SUMF1: variants seen among roughly 807,000 people sequenced by gnomAD.
The protein encoded by SUMF1 is sulfatase modifying factor 1, also known as formylglycine-generating enzyme.
Under a neutral mutation model 47.6 loss-of-function variants are expected in SUMF1, and 48 were observed. The observed-to-expected ratio is 1.01, with a 90% CI of 0.80 to 1.28. The LOEUF (loss-of-function observed/expected upper bound fraction) is 1.28. SUMF1 is among the 50% of genes most tolerant of loss of function. The pLI is 0.00. For missense variants in SUMF1, 571 were observed against 485.4 expected, an observed-to-expected ratio of 1.18 and a Z score of -1.66; for synonymous variants, 230 against 192.1, an observed-to-expected ratio of 1.20 and a Z score of -1.63.
intron 8 of SUMF1, among the ~76,000 whole-genome samples, chr3:4,237,210 G>T (rs1446055713): frequency 6.6e-6 from 1 of 152,088 alleles, no homozygotes; most frequent in Non-Finnish European, 1.5e-5. Flanking sequence ...CTGCCAAACT[G>T]TTTTGCACAG....
At chr3:4,284,140 G>A (rs927427806) in intron 8 of SUMF1, among the ~76,000 whole-genome samples, 1 of 152,190 alleles carries the variant, frequency 6.6e-6, no homozygotes, top group African/African-American at 2.4e-5. Context: ...GGGAGGCCAG[G>A]AGCAGAGGCT....
intron 7 of SUMF1, among the ~76,000 whole-genome samples, chr3:4,401,325 T>C (rs1413057504): frequency 6.6e-6 from 1 of 152,182 alleles, no homozygotes; most frequent in Non-Finnish European, 1.5e-5. Flanking sequence ...TTTGGGTATA[T>C]ACCCAGTAAT....
At chr3:4,215,749 AACAG>A (rs958222348) in intron 8 of SUMF1, among the ~76,000 whole-genome samples, 7 of 152,152 alleles carry the variant, frequency 4.6e-5, no homozygotes, top group South Asian at 2.1e-4. Context: ...ATACACCAAT[AACAG>A]ACAGAGAGCC....
intron 8 of SUMF1, among the ~76,000 whole-genome samples, chr3:4,135,864 T>C (rs774025552): frequency 2.0e-5 from 3 of 152,090 alleles, no homozygotes; most frequent in South Asian, 2.1e-4. Context: ...ATCAGTGAAC[T>C]CCCGTTCACA....
intron 3 of SUMF1, among the ~76,000 whole-genome samples, chr3:4,442,204 G>A (rs917149976): frequency 1.8e-4 from 28 of 152,242 alleles, no homozygotes; most frequent in African/African-American, 6.3e-4. Context: ...TAGGTTTAAG[G>A]GGCCCATGGT....
chr3:4,079,243 G>A (rs573883706), intron 8 of SUMF1, among the ~76,000 whole-genome samples: 5 of 152,118 alleles, frequency 3.3e-5, no homozygotes, highest in Non-Finnish European at 5.9e-5. Flanking sequence ...CTAACACCTC[G>A]CTTCAATCCT....
At chr3:4,110,087 G>A (rs543083163) in intron 8 of SUMF1, among the ~76,000 whole-genome samples, 3 of 152,046 alleles carry the variant, frequency 2.0e-5, no homozygotes, top group African/African-American at 4.8e-5. Flanking sequence ...TGATGGTGAC[G>A]TACAGATGGG....
At chr3:4,229,782 G>A (rs765347257) in intron 8 of SUMF1, among the ~76,000 whole-genome samples, 15 of 152,038 alleles carry the variant, frequency 9.9e-5, no homozygotes, top group Non-Finnish European at 1.5e-4. Flanking sequence ...GGGTAGCCAA[G>A]GTAGGAGAAC....
At chr3:4,182,494 C>T (rs775165003) in intron 8 of SUMF1, among the ~76,000 whole-genome samples, 10 of 151,528 alleles carry the variant, frequency 6.6e-5, no homozygotes, top group African/African-American at 9.7e-5. Flanking sequence ...TTGTATTCAG[C>T]GGGTAAAACG....
At chr3:4,118,831 A>G (rs1320141293) in intron 8 of SUMF1, among the ~76,000 whole-genome samples, 4 of 152,058 alleles carry the variant, frequency 2.6e-5, no homozygotes, top group East Asian at 1.9e-4. Flanking sequence ...TTGCTTCTAC[A>G]TTACATAAAA....
At position 4,193,745 on chromosome 3, in the gene SUMF1, G is replaced by A. The variant is rs111665210; in HGVS notation, c.1015-125000C>T. On this transcript the variant is annotated intron_variant and NMD_transcript_variant, in intron 8 of 12. Transcript: ENST00000448413. ...TGATGTGGTTTGAGTTAAACTTATA[G>A]GACTCAAATTTCACCTCCACTATTT... Among the ~76,000 whole-genome samples, 108 of 152,106 alleles carry A rather than the reference G, an allele frequency of 7.1e-4. 4 individuals are homozygous for A. The highest frequency in any genetic ancestry group is 1.6e-3 in the African/African-American group (65 of 41,506).
chr3:4,222,333 C>A (rs1221749541), intron 8 of SUMF1, among the ~76,000 whole-genome samples: 1 of 152,070 alleles, frequency 6.6e-6, no homozygotes, highest in Non-Finnish European at 1.5e-5. Context: ...CTACTGAACG[C>A]CTGTACAACT....
At chr3:4,211,327 C>G (rs570213691) in intron 8 of SUMF1, among the ~76,000 whole-genome samples, 1 of 150,364 alleles carries the variant, frequency 6.7e-6, no homozygotes, top group South Asian at 2.1e-4. Flanking sequence ...TTCCTCTAAC[C>G]TCCACCCTCC....
At chr3:4,268,074 A>G (rs183388930) in intron 8 of SUMF1, among the ~76,000 whole-genome samples, 1 of 152,352 alleles carries the variant, frequency 6.6e-6, no homozygotes. Context: ...TGATGAGTTC[A>G]TGTTCTTTGT....
At chr3:4,158,464 C>A (rs1331708580) in intron 8 of SUMF1, among the ~76,000 whole-genome samples, 1 of 151,310 alleles carries the variant, frequency 6.6e-6, no homozygotes, top group African/African-American at 2.5e-5. Flanking sequence ...CTATTAGGTC[C>A]ATTTGTTCTA....
Position 4,169,984 on chromosome 3 carries a change from G to A in SUMF1, c.1015-101239C>T, listed in dbSNP as rs184067037. Reference sequence around the variant, plus strand: ...TAGAACATAGATTTTCAATAAGAATGAGACAAATGCCAAGCATTTAGATGT... The same window carrying A: ...TAGAACATAGATTTTCAATAAGAATAAGACAAATGCCAAGCATTTAGATGT... On this transcript the variant is annotated intron_variant and NMD_transcript_variant, in intron 8 of 12. Coordinates refer to the SUMF1 transcript ENST00000448413. Among the ~76,000 whole-genome samples the A allele has an allele frequency of 1.7e-4, 26 of 152,266 alleles. 1 individual carries two copies. Among genetic ancestry groups the A allele is most frequent in the Admixed American group, 1.6e-3 (24 of 15,290 alleles).
intron 8 of SUMF1, among the ~76,000 whole-genome samples, chr3:4,273,260 A>G (rs1697339278): frequency 6.6e-6 from 1 of 152,106 alleles, no homozygotes; most frequent in Non-Finnish European, 1.5e-5. Context: ...TGGGCAAAAA[A>G]TGGAAACATT....
At chr3:4,205,274 T>C (rs890126706) in intron 8 of SUMF1, among the ~76,000 whole-genome samples, 2 of 152,132 alleles carry the variant, frequency 1.3e-5, no homozygotes, top group Admixed American at 6.6e-5. Context: ...CCGCAAAACA[T>C]TGCTCCAAAC....
At chr3:4,167,852 G>A (rs1355855658) in intron 8 of SUMF1, among the ~76,000 whole-genome samples, 2 of 152,174 alleles carry the variant, frequency 1.3e-5, no homozygotes, top group Non-Finnish European at 2.9e-5. Context: ...GGAAGATAGA[G>A]CAGGCATCTC....
Sources: gnomAD v4.1 joint callset for allele counts (sites outside exome capture counted in the v4.1 genomes callset) on GRCh38, gnomAD v4.1.1 for gene constraint, MANE v1.5 for transcripts, NCBI Gene and HGNC (gene_info 2026-07-23, HGNC 2026-07-21) for gene names.